Variants in TMEM132C observed in about 807,000 individuals in gnomAD.
TMEM132C encodes protein phosphatase 1, regulatory subunit 152.
A neutral mutation model predicts 61.4 loss-of-function variants in TMEM132C; 29 were observed. The observed-to-expected ratio is 0.47, with a 90% CI of 0.35 to 0.64. The LOEUF (loss-of-function observed/expected upper bound fraction) is 0.64, where lower values mean the gene tolerates loss of function less well. TMEM132C is among the 30% of genes least tolerant of loss of function. The pLI, the probability that TMEM132C is intolerant of heterozygous loss-of-function variation, is 0.00. For missense variants in TMEM132C, 1,408 were observed against 1,476.9 expected, an observed-to-expected ratio of 0.95 and a Z score of 0.76; for synonymous variants, 656 against 633.1, an observed-to-expected ratio of 1.04 and a Z score of -0.54.
chr12:128,631,191 C>T (rs1225518359), intron 4 of TMEM132C, among the ~76,000 whole-genome samples: 1 of 152,146 alleles, frequency 6.6e-6, no homozygotes, highest in African/African-American at 2.4e-5. Context: ...CTGCACTGTC[C>T]ACTCTGGGGA....
At chr12:128,562,174 C>G (rs1246402107) in intron 3 of TMEM132C, among the ~76,000 whole-genome samples, 1 of 152,334 alleles carries the variant, frequency 6.6e-6, no homozygotes, top group East Asian at 1.9e-4. Context: ...TGGCGCCAAG[C>G]ATTCTGAAAT....
intron 4 of TMEM132C, among the ~76,000 whole-genome samples, chr12:128,666,348 C>G (rs1954474526): frequency 6.6e-6 from 1 of 152,174 alleles, no homozygotes; most frequent in Non-Finnish European, 1.5e-5. Context: ...CAGGCACACA[C>G]ACATTTTTTT....
intron 2 of TMEM132C, among the ~76,000 whole-genome samples, chr12:128,530,472 C>T (rs1213746828): frequency 1.3e-5 from 2 of 151,094 alleles, no homozygotes; most frequent in African/African-American, 2.4e-5. Context: ...TAAACGGAGT[C>T]TCACTCTGTT....
intron 3 of TMEM132C, among the ~76,000 whole-genome samples, chr12:128,587,029 G>A (rs1000123091): frequency 5.9e-5 from 9 of 152,346 alleles, no homozygotes; most frequent in Middle Eastern, 3.4e-3. Context: ...CCATAAAGGC[G>A]GAAGGAGAAT....
intron 2 of TMEM132C, among the ~76,000 whole-genome samples, chr12:128,490,259 G>T (rs981443860): frequency 6.6e-6 from 1 of 152,196 alleles, no homozygotes; most frequent in Admixed American, 6.5e-5. Flanking sequence ...TCATGGATGT[G>T]GTTCATCTAG....
At chr12:128,542,764 G>A (rs1873802603) in intron 2 of TMEM132C, among the ~76,000 whole-genome samples, 1 of 151,450 alleles carries the variant, frequency 6.6e-6, no homozygotes. Flanking sequence ...GGCAGGCTGA[G>A]GCAGGGGAAT....
intron 2 of TMEM132C, among the ~76,000 whole-genome samples, chr12:128,427,518 G>A (rs1055671352): frequency 7.3e-5 from 11 of 149,764 alleles, no homozygotes; most frequent in South Asian, 2.2e-4. Context: ...TGAGAGGGAG[G>A]GAAGAGGCAG....
chr12:128,405,070 C>T (rs960431070), intron 1 of TMEM132C, among the ~76,000 whole-genome samples: 1 of 146,376 alleles, frequency 6.8e-6, no homozygotes, highest in South Asian at 2.2e-4. Flanking sequence ...TTGGACTTTT[C>T]CAGGGGTATT....
intron 1 of TMEM132C, among the ~76,000 whole-genome samples, chr12:128,311,215 A>T (rs1871952954): frequency 6.6e-6 from 1 of 152,198 alleles, no homozygotes; most frequent in African/African-American, 2.4e-5. Context: ...GCTCTCACTG[A>T]CAGTCTCCAA....
In TMEM132C at chr12:128,415,663, G is replaced by A; in HGVS notation, c.974+43G>A. 7 of 1,472,442 alleles carry A rather than the reference G, an allele frequency of 4.8e-6. No homozygotes were observed. The highest frequency in any genetic ancestry group is 2.5e-5 in the East Asian group (1 of 40,038). The allele number at this position is 1,472,442 out of a possible 1,614,324, so 91.2% of individuals were successfully genotyped here. On this transcript the variant is annotated intron_variant, in intron 2 of 8. Transcript: ENST00000435159. This position sits in a 1 kb window ranked among gnomAD's most constrained non-coding sequence, Gnocchi z 5.8. ...CCCCTGATCATCTTTGGCATGCCTG[G>A]TGTGAGACTGGGTTCCATGCGTGGC... is the stretch of plus-strand genomic sequence containing the variant.
At chr12:128,502,522 TC>T (rs896763232) in intron 2 of TMEM132C, among the ~76,000 whole-genome samples, 1 of 152,220 alleles carries the variant, frequency 6.6e-6, no homozygotes, top group Non-Finnish European at 1.5e-5. Flanking sequence ...ATCACCTTTT[TC>T]ACCCTAAAGG....
At chr12:128,399,777 CT>C (rs1023180896) in intron 1 of TMEM132C, among the ~76,000 whole-genome samples, 51 of 145,758 alleles carry the variant, frequency 3.5e-4, no homozygotes, top group East Asian at 2.0e-3. Context: ...AAAACTAAGA[CT>C]TTTTTTTTTT....
chr12:128,622,675 C>T (rs1296843848), intron 4 of TMEM132C, among the ~76,000 whole-genome samples: 3 of 151,802 alleles, frequency 2.0e-5, no homozygotes, highest in Non-Finnish European at 2.9e-5. Context: ...CTCTGGGGTC[C>T]GTGGGGAAGC....
intron 3 of TMEM132C, among the ~76,000 whole-genome samples, chr12:128,546,346 C>A (rs755317068): frequency 2.0e-5 from 3 of 152,146 alleles, no homozygotes; most frequent in Non-Finnish European, 2.9e-5. Flanking sequence ...CAAATGAAAG[C>A]GAATGTGTTC....
chr12:128,333,931 T>G (rs1565904120), intron 1 of TMEM132C, among the ~76,000 whole-genome samples: 1 of 151,638 alleles, frequency 6.6e-6, no homozygotes, highest in Admixed American at 6.6e-5. Flanking sequence ...TGTGTGTGTA[T>G]GTATGAGAGT....
chr12:128,279,529 C>T (rs1285039304), intron 1 of TMEM132C, among the ~76,000 whole-genome samples: 4 of 152,286 alleles, frequency 2.6e-5, no homozygotes, highest in Middle Eastern at 6.8e-3. Flanking sequence ...TCTCTGACCC[C>T]GTAGCATCCT....
intron 3 of TMEM132C, among the ~76,000 whole-genome samples, chr12:128,557,070 T>A (rs1334909389): frequency 3.3e-5 from 5 of 152,038 alleles, no homozygotes; most frequent in Non-Finnish European, 7.3e-5. Context: ...AGTGTCAATA[T>A]TTTAGTCCTC....
chr12:128,457,331 T>C (rs1025131036), intron 2 of TMEM132C, among the ~76,000 whole-genome samples: 5 of 149,852 alleles, frequency 3.3e-5, no homozygotes, highest in African/African-American at 1.2e-4. Context: ...AACAGCGCTT[T>C]GGGAGGCCGA....
In TMEM132C at chr12:128,391,469, C is replaced by T. The variant is rs141953930; in HGVS notation, c.86-23263C>T. On this transcript the variant is annotated intron_variant, in intron 1 of 8. Coordinates refer to ENST00000435159, the MANE Select transcript of TMEM132C (RefSeq NM_001136103.3). Reference sequence around the variant, plus strand: ...ACCTTCAATATCCATCAGCTTTCCCCGAGGACCCCAGAGCCCAGCAAAAGA... The same window carrying T: ...ACCTTCAATATCCATCAGCTTTCCCTGAGGACCCCAGAGCCCAGCAAAAGA... 2.5e-3 allele frequency among the ~76,000 whole-genome samples: 382 copies of T among 152,298 alleles called. 4 individuals are homozygous for T. The highest frequency in any genetic ancestry group is 8.8e-3 in the African/African-American group (366 of 41,552).
Sources: allele counts gnomAD v4.1 joint callset (sites outside exome capture counted in the v4.1 genomes callset), GRCh38; gene constraint gnomAD v4.1.1; non-coding constraint Gnocchi (gnomAD v3.1); transcripts MANE v1.5; gene names NCBI Gene and HGNC (gene_info 2026-07-23, HGNC 2026-07-21).